Variants in COL25A1 observed in about 807,000 individuals in gnomAD.
COL25A1 encodes collagen type XXV alpha 1 chain.
A neutral mutation model predicts 128.4 loss-of-function variants in COL25A1; 103 were observed. That is an observed-to-expected ratio of 0.80 (90% CI 0.68 to 0.94). COL25A1 has a LOEUF of 0.94. Among genes scored for constraint, COL25A1 ranks in the 40% least tolerant of loss-of-function variants. The probability of loss-of-function intolerance (pLI) is 0.00; values close to 1 mark genes in which losing one functional copy is unlikely to be tolerated. For synonymous variants in COL25A1, 279 were observed against 277.2 expected (o/e 1.01, Z -0.06); for missense variants, 745 against 840.0 (o/e 0.89, Z 1.40).
chr4:109,079,899 C>G (rs1763695499), intron 3 of COL25A1, among the ~76,000 whole-genome samples: 1 of 151,692 alleles, frequency 6.6e-6, no homozygotes, highest in Admixed American at 6.6e-5. Flanking sequence ...ACCATTGATA[C>G]GTAATTTAAA....
rs1030519895 is a variant in COL25A1 at position 108,812,211 on chromosome 4, T to C, written c.*1716A>G. ...GAGCAAGTAGATGAAAAATATTTTC[T>C]TTATGGCAACTATATTTCACAGCTT... On this transcript the variant is annotated 3_prime_UTR_variant, in exon 38 of 38. Transcript: ENST00000399132. The C allele has an allele frequency of 1.3e-5, 2 of 152,230 alleles. No individual in the cohort carries two copies. The allele number at this position is 152,230 out of a possible 1,614,324, so 9.4% of individuals were successfully genotyped here. A position where few individuals can be genotyped will look rare whatever the true frequency, so the allele number is the denominator to read the frequency against.
Position 109,008,271 on chromosome 4 carries a change from C to T in COL25A1, c.438+2087G>A, listed in dbSNP as rs557054947. ...CAGGGAACTTAGTGGATAAATCCATCAACTTCCTTGTCCCTCTTTGGGATG... is the reference window on the plus strand; with the variant it reads ...CAGGGAACTTAGTGGATAAATCCATTAACTTCCTTGTCCCTCTTTGGGATG... On this transcript the variant is annotated intron_variant, in intron 6 of 37. Coordinates refer to ENST00000399132, the MANE Select transcript of COL25A1 (RefSeq NM_198721.4). Among the ~76,000 whole-genome samples, 157 of 152,304 alleles carry T rather than the reference C, an allele frequency of 1.0e-3. 4 individuals are homozygous for T. In the South Asian group the frequency reaches 0.03, roughly 29 times the overall value.
intron 3 of COL25A1, among the ~76,000 whole-genome samples, chr4:109,297,862 CTTTTTTTTTTTTTTTTT>C (rs35099153): frequency 4.7e-5 from 3 of 63,830 alleles, no homozygotes; most frequent in African/African-American, 1.1e-4. Flanking sequence ...TTTTCCTTTT[CTTTTTTTTTTTTTTTTT>C]TTTTTTTTTT....
At chr4:109,024,208 T>C (rs1253384817) in intron 5 of COL25A1, among the ~76,000 whole-genome samples, 1 of 152,066 alleles carries the variant, frequency 6.6e-6, no homozygotes, top group African/African-American at 2.4e-5. Flanking sequence ...TTAGGTGTAT[T>C]AAATGCATTT....
At chr4:108,901,038 A>T in intron 14 of COL25A1, 81 bp downstream of exon 14, 1 of 1,143,042 alleles carries the variant, frequency 8.7e-7, no homozygotes, top group South Asian at 1.3e-5. Flanking sequence ...TGAGATTGTT[A>T]AAAATTGTAT....
intron 6 of COL25A1, among the ~76,000 whole-genome samples, chr4:109,008,378 T>C (rs753406268): frequency 1.3e-5 from 2 of 152,188 alleles, no homozygotes; most frequent in Non-Finnish European, 2.9e-5. Context: ...AACTTGCTAA[T>C]TGAGGCATCC....
intron 13 of COL25A1, among the ~76,000 whole-genome samples, chr4:108,913,283 T>TTTTTTTTTTTTTTTA (rs1744470434): frequency 6.8e-6 from 1 of 146,542 alleles, no homozygotes. Context: ...TTTTTTTTTT[T>TTTTTTTTTTTTTTTA]AAGACGGAGT....
intron 5 of COL25A1, among the ~76,000 whole-genome samples, chr4:109,033,270 C>T (rs1171689104): frequency 1.3e-5 from 2 of 152,208 alleles, no homozygotes; most frequent in Non-Finnish European, 2.9e-5. Context: ...TAGCACTATC[C>T]TTATTCACAG....
chr4:109,269,670 T>C (rs1782059972), intron 3 of COL25A1, among the ~76,000 whole-genome samples: 2 of 152,000 alleles, frequency 1.3e-5, no homozygotes, highest in South Asian at 2.1e-4. Context: ...GATTTGCATT[T>C]CTCTGATGGC....
intron 3 of COL25A1, among the ~76,000 whole-genome samples, chr4:109,283,318 G>T (rs1578633845): frequency 6.6e-6 from 1 of 152,252 alleles, no homozygotes; most frequent in East Asian, 1.9e-4. Context: ...CATGGCCATG[G>T]CTCATATAAC....
intron 8 of COL25A1, among the ~76,000 whole-genome samples, chr4:108,957,741 G>A (rs1227051450): frequency 3.9e-5 from 6 of 152,154 alleles, no homozygotes; most frequent in African/African-American, 1.4e-4. Flanking sequence ...TGGCAGGGCC[G>A]ATTGTCTAAA....
intron 5 of COL25A1, among the ~76,000 whole-genome samples, chr4:109,022,440 A>G (rs891472797): frequency 1.3e-5 from 2 of 152,192 alleles, no homozygotes; most frequent in African/African-American, 4.8e-5. Context: ...AACATGGAAA[A>G]ATTACTTGTC....
At chr4:108,994,746 T>G (rs1369382517) in intron 6 of COL25A1, among the ~76,000 whole-genome samples, 2 of 152,130 alleles carry the variant, frequency 1.3e-5, no homozygotes, top group East Asian at 1.9e-4. Context: ...CGGGTGCCCC[T>G]CTGGGACAAA....
chr4:108,817,432 G>C lies in COL25A1; in HGVS notation c.1927C>G (p.Pro643Ala). 2 of 1,612,938 alleles carry C rather than the reference G, an allele frequency of 1.2e-6. No homozygotes were observed. Among genetic ancestry groups the C allele is most frequent in the Non-Finnish European group, 1.7e-6 (2 of 1,179,194 alleles). The change falls in exon 37 of 38, where the codon CCA becomes GCA. Residue 643 changes from proline (P) to alanine (A), a missense_variant. Physicochemically the swap from Pro to Ala is conservative, Grantham distance 27. This residue lies in a region of COL25A1 where 387 missense variants were observed against 441.9 expected (regional missense o/e 0.88). Transcript: ENST00000399132. ...DGLDAPCQLG[P>A]DGLPMPGCWQ... The stretch of plus-strand genomic sequence containing the variant: ...CAGCCAGGCATGGGTAAGCCATCTG[G>C]CCCCTGTTTTAAAGAGAAGAAAAAG...
chr4:108,934,162 G>T (rs1016571575), intron 11 of COL25A1, among the ~76,000 whole-genome samples: 1 of 152,040 alleles, frequency 6.6e-6, no homozygotes, highest in Non-Finnish European at 1.5e-5. Context: ...CCATAAAAAA[G>T]GATGAGTTCA....
At chr4:109,171,389 T>C (rs567949487) in intron 3 of COL25A1, among the ~76,000 whole-genome samples, 1 of 152,162 alleles carries the variant, frequency 6.6e-6, no homozygotes, top group African/African-American at 2.4e-5. Flanking sequence ...CTTTCAGAGA[T>C]AATTAGGTCA....
At chr4:109,016,373 T>C (rs543971227) in intron 5 of COL25A1, among the ~76,000 whole-genome samples, 1 of 152,346 alleles carries the variant, frequency 6.6e-6, no homozygotes, top group South Asian at 2.1e-4. Flanking sequence ...AGGTGCCTCT[T>C]GGCATGAACA....
chr4:108,943,527 A>G (rs1032042769), intron 8 of COL25A1, among the ~76,000 whole-genome samples: 1 of 152,180 alleles, frequency 6.6e-6, no homozygotes, highest in South Asian at 2.1e-4. Context: ...GTCTCTTACA[A>G]CATGTGTATT....
chr4:108,848,919 T>C (rs1315773146), intron 26 of COL25A1, 116 bp from the exon 27 acceptor site: 1 of 733,644 alleles, frequency 1.4e-6, no homozygotes, highest in Non-Finnish European at 2.4e-6. Flanking sequence ...AAATGCATCA[T>C]AACCCGAGAA....
Sources: allele counts gnomAD v4.1 joint callset (sites outside exome capture counted in the v4.1 genomes callset), GRCh38; gene constraint gnomAD v4.1.1; regional missense constraint gnomAD v4.1.1; transcripts MANE v1.5; gene names NCBI Gene and HGNC (gene_info 2026-07-23, HGNC 2026-07-21).